The following DCK variants were observed in gnomAD, a reference collection of about 807,000 sequenced individuals.
The protein encoded by DCK is deoxycytidine kinase.
A neutral mutation model predicts 38.3 loss-of-function variants in DCK; 23 were observed. That is an observed-to-expected ratio of 0.60 (90% CI 0.43 to 0.85). The LOEUF is 0.85. DCK is among the 40% of genes least tolerant of loss of function. DCK has a pLI of 0.00. For missense variants in DCK, 259 were observed against 304.4 expected (o/e 0.85, Z 1.11); for synonymous variants, 108 against 100.6 (o/e 1.07, Z -0.44).
At chr4:71,021,649 C>G (rs917981696) in intron 2 of DCK, among the ~76,000 whole-genome samples, 4 of 152,116 alleles carry the variant, frequency 2.6e-5, no homozygotes, top group African/African-American at 9.7e-5. Context: ...TATATCCCAT[C>G]TAAAGGAGGC....
At chr4:71,025,639 A>C (rs1036700605) in intron 4 of DCK, among the ~76,000 whole-genome samples, 177 bp from the exon 5 acceptor site, 19 of 152,112 alleles carry the variant, frequency 1.2e-4, no homozygotes, top group Admixed American at 9.8e-4. Context: ...GCTTAGAGCC[A>C]CCAAGTGGCT....
intron 6 of DCK, among the ~76,000 whole-genome samples, chr4:71,028,279 C>A (rs1198528869): frequency 1.3e-5 from 2 of 152,160 alleles, no homozygotes; most frequent in African/African-American, 2.4e-5. Flanking sequence ...ATTGGTGTTA[C>A]AGCTATTTTA....
intron 2 of DCK, among the ~76,000 whole-genome samples, chr4:71,002,691 T>C (rs1479782606): frequency 6.6e-6 from 1 of 152,210 alleles, no homozygotes; most frequent in Non-Finnish European, 1.5e-5. Flanking sequence ...TGTTGTTGCA[T>C]TGAACCCTTT....
intron 2 of DCK, among the ~76,000 whole-genome samples, chr4:71,016,806 G>C (rs949803671): frequency 2.0e-5 from 3 of 152,152 alleles, no homozygotes; most frequent in African/African-American, 7.2e-5. Flanking sequence ...AGACTTAAAT[G>C]TTAGACCTAA....
chr4:71,026,606 G>A (rs1740552571), intron 5 of DCK, 59 bp from the exon 6 acceptor site: 2 of 853,986 alleles, frequency 2.3e-6, no homozygotes, highest in South Asian at 1.5e-5. Context: ...AATTTTTAAT[G>A]TTTCTCTCTT....
intron 2 of DCK, among the ~76,000 whole-genome samples, chr4:70,999,696 T>C (rs1739747656): frequency 6.6e-6 from 1 of 152,244 alleles, no homozygotes; most frequent in Admixed American, 6.5e-5. Flanking sequence ...GTTTCCTGAC[T>C]TTTTAATGAT....
At chr4:71,025,571 A>AT (rs1740527267) in intron 4 of DCK, among the ~76,000 whole-genome samples, 1 of 152,028 alleles carries the variant, frequency 6.6e-6, no homozygotes, top group Non-Finnish European at 1.5e-5. Context: ...AACTTAGTAT[A>AT]TTTCATGTGT....
chr4:70,994,386 C>T (rs964069068), intron 1 of DCK, among the ~76,000 whole-genome samples: 3 of 152,156 alleles, frequency 2.0e-5, no homozygotes, highest in African/African-American at 7.2e-5. Context: ...TATTCAGCCC[C>T]CTCCACCCTT....
At chr4:71,017,806 CATT>C (rs1361913349) in intron 2 of DCK, among the ~76,000 whole-genome samples, 25 of 150,660 alleles carry the variant, frequency 1.7e-4, no homozygotes, top group Non-Finnish European at 3.5e-4. Flanking sequence ...GGAGGGATAG[CATT>C]AGGAGAAATA....
chr4:71,027,903 C>G (rs1740580284), intron 6 of DCK, among the ~76,000 whole-genome samples: 1 of 152,178 alleles, frequency 6.6e-6, no homozygotes, highest in Non-Finnish European at 1.5e-5. Flanking sequence ...TTTGTTTTGA[C>G]TAAGAATCAT....
intron 2 of DCK, among the ~76,000 whole-genome samples, chr4:71,021,282 A>T (rs1740417930): frequency 6.6e-6 from 1 of 151,254 alleles, no homozygotes; most frequent in African/African-American, 2.4e-5. Context: ...TCACCTTGTT[A>T]GCCAGGATGG....
Position 71,030,031 on chromosome 4 carries a change from G to A in DCK, c.*653G>A, listed in dbSNP as rs1232339262. 1 of 152,514 alleles carries A rather than the reference G, an allele frequency of 6.6e-6. No individual in the cohort carries two copies. The highest frequency in any genetic ancestry group is 1.5e-5 in the Non-Finnish European group (1 of 68,002). The allele number at this position is 152,514 out of a possible 1,614,324, so 9.4% of individuals were successfully genotyped here. On this transcript the variant is annotated 3_prime_UTR_variant, in exon 7 of 7. Transcript: ENST00000286648. ...TTTGCAAACACTGTGATTACTCTTT[G>A]CTTTGTAGTTTGCTTTGCTTTGTAG...
intron 2 of DCK, among the ~76,000 whole-genome samples, chr4:70,998,531 C>T (rs887037139): frequency 6.6e-6 from 1 of 152,156 alleles, no homozygotes; most frequent in African/African-American, 2.4e-5. Flanking sequence ...GCAGATACTA[C>T]ACCATTTTAC....
chr4:71,009,089 T>C (rs780707001), intron 2 of DCK, among the ~76,000 whole-genome samples: 2 of 152,230 alleles, frequency 1.3e-5, no homozygotes, highest in Non-Finnish European at 2.9e-5. Context: ...ACTCAGGTGA[T>C]GGACACCCTG....
chr4:71,026,372 T>C (rs920130678), intron 5 of DCK, among the ~76,000 whole-genome samples: 3 of 152,076 alleles, frequency 2.0e-5, no homozygotes, highest in African/African-American at 4.8e-5. Flanking sequence ...GAGCTTTAGT[T>C]TTCTCATCTT....
chr4:71,029,561 T>C lies in DCK; in HGVS notation c.*183T>C. On this transcript the variant is annotated 3_prime_UTR_variant, in exon 7 of 7. Coordinates refer to ENST00000286648, the MANE Select transcript of DCK (RefSeq NM_000788.3). Reference sequence around the variant, plus strand: ...TTTTTGACCAGTTTCTTTTCTTTTGTTTTTTTTTTAAAAAAGACATTTAAA... The same window carrying C: ...TTTTTGACCAGTTTCTTTTCTTTTGCTTTTTTTTTAAAAAAGACATTTAAA... The C allele has an allele frequency of 2.0e-6, 1 of 503,764 alleles. No individual in the cohort carries two copies. Among genetic ancestry groups the C allele is most frequent in the South Asian group, 2.9e-5 (1 of 34,600 alleles). 31.2% of individuals were successfully genotyped at this position (503,764 alleles called of 1,614,324 possible). A position where few individuals can be genotyped will look rare whatever the true frequency, so the allele number is the denominator to read the frequency against.
intron 1 of DCK, among the ~76,000 whole-genome samples, chr4:70,995,708 C>T (rs1739646048): frequency 6.6e-6 from 1 of 152,150 alleles, no homozygotes. Flanking sequence ...CTCAAAGCAT[C>T]TTTAATCTTT....
rs1289467113 is a variant in DCK at position 70,993,843 on chromosome 4, C to T, written c.8C>T (p.Thr3Ile). ...CCGCCACAAGACTAAGGAATGGCCA[C>T]CCCGCCCAAGAGAAGCTGCCCGTCT... Reference protein sequence around the residue: MATPPKRSCPSFS... With the variant: MAIPPKRSCPSFS... Residue 3 changes from threonine to isoleucine, a missense_variant, in exon 1 of 7, where the codon ACC becomes ATC. Physicochemically the swap from Thr to Ile is moderately conservative, Grantham distance 89. Around this residue, in one of 3 missense-constraint regions of DCK, gnomAD observed 159 missense variants for 159.0 expected, o/e 1.00. Coordinates refer to ENST00000286648, the MANE Select transcript of DCK (RefSeq NM_000788.3). The T allele has an allele frequency of 6.2e-7, 1 of 1,613,294 alleles. No individual in the cohort carries two copies. Among genetic ancestry groups the T allele is most frequent in the Non-Finnish European group, 8.5e-7 (1 of 1,179,432 alleles).
intron 2 of DCK, among the ~76,000 whole-genome samples, chr4:71,005,840 A>T (rs1739926580): frequency 6.6e-6 from 1 of 151,884 alleles, no homozygotes; most frequent in Non-Finnish European, 1.5e-5. Context: ...AAACAAGCAA[A>T]TAAGGCCGGG....
Sources: gnomAD v4.1 joint callset for allele counts (sites outside exome capture counted in the v4.1 genomes callset) on GRCh38, gnomAD v4.1.1 for gene constraint, gnomAD v4.1.1 regional missense constraint, MANE v1.5 for transcripts, NCBI Gene and HGNC (gene_info 2026-07-23, HGNC 2026-07-21) for gene names.